DMD: variants seen among roughly 807,000 people sequenced by gnomAD.
DMD encodes mutant dystrophin.
Under a neutral mutation model 330.1 loss-of-function variants are expected in DMD, and 63 were observed. That is an observed-to-expected ratio of 0.19 (90% CI 0.16 to 0.24). The LOEUF is 0.24. Ranked by LOEUF, DMD falls within the 10% of genes least tolerant of loss-of-function variation. The pLI is 1.00. For synonymous variants in DMD, 1,223 were observed against 959.8 expected (o/e 1.27, Z -5.07); for missense variants, 3,344 against 2,684.1 (o/e 1.25, Z -5.43).
intron 2 of DMD, among the ~76,000 whole-genome samples, chrX:32,962,284 C>T (rs1229271713): frequency 8.9e-6 from 1 of 111,762 alleles, no homozygotes; most frequent in African/African-American, 3.2e-5. Context: ...TAAGGTTATG[C>T]TTTTGAGTTC....
chrX:33,130,925 T>G (rs1264506057), intron 1 of DMD, among the ~76,000 whole-genome samples: 3 of 111,793 alleles, frequency 2.7e-5, no homozygotes, highest in Non-Finnish European at 5.6e-5. Flanking sequence ...TTCAAGAATC[T>G]TCTCAGCAAA....
chrX:32,608,413 C>A (rs889662996), intron 12 of DMD, among the ~76,000 whole-genome samples: 2 of 110,083 alleles, frequency 1.8e-5, no homozygotes, highest in South Asian at 7.5e-4. Flanking sequence ...AATAATACTA[C>A]CACTCAAACC....
chrX:32,699,078 A>T, intron 8 of DMD, 34 bp downstream of exon 8: 3 of 1,169,265 alleles, frequency 2.6e-6, no homozygotes, highest in Non-Finnish European at 3.5e-6. Flanking sequence ...AACAGAAAAC[A>T]TCTTGAATAG....
intron 44 of DMD, among the ~76,000 whole-genome samples, chrX:32,039,595 A>G (rs750660556): frequency 2.7e-5 from 3 of 111,717 alleles, no homozygotes; most frequent in Non-Finnish European, 5.6e-5. Context: ...GTAAAAAGGT[A>G]ATGCCATAAA....
chrX:31,972,477 A>G (rs2095406926), intron 44 of DMD, among the ~76,000 whole-genome samples: 1 of 112,018 alleles, frequency 8.9e-6, no homozygotes, highest in Admixed American at 9.5e-5. Flanking sequence ...AATGTGACAA[A>G]TGAAGAAAAG....
At chrX:31,358,390 CTTCT>C (rs1472724055) in intron 60 of DMD, among the ~76,000 whole-genome samples, 6 of 111,566 alleles carry the variant, frequency 5.4e-5, no homozygotes, top group Admixed American at 9.6e-5. Context: ...ACTTTATAAG[CTTCT>C]TTCTTTCACG....
At chrX:33,084,887 A>G (rs2094982398) in intron 1 of DMD, among the ~76,000 whole-genome samples, 1 of 110,654 alleles carries the variant, frequency 9.0e-6, no homozygotes, top group South Asian at 3.8e-4. Flanking sequence ...GATCTCTTTC[A>G]CTGTCTCAGT....
intron 2 of DMD, among the ~76,000 whole-genome samples, chrX:32,901,845 A>G (rs1310382116): frequency 2.7e-5 from 3 of 110,394 alleles, no homozygotes; most frequent in Non-Finnish European, 5.7e-5. Context: ...TATTTGTAAT[A>G]TCCTTTCATC....
chrX:31,659,842 A>G (rs1203893419), intron 53 of DMD, among the ~76,000 whole-genome samples: 1 of 110,742 alleles, frequency 9.0e-6, no homozygotes, highest in Non-Finnish European at 1.9e-5. Flanking sequence ...AAGAATACAT[A>G]ATCATGAGCT....
rs1009430160 is a variant in DMD, at chrX:32,455,715, T to G, written c.3433-883A>C. ...AAAGGTGCTTTCATGAGAGATTAAA[T>G]TATGACATATATATACTATGGGATA... On this transcript the variant is annotated intron_variant, in intron 25 of 78. Transcript: ENST00000357033. Among the ~76,000 whole-genome samples the G allele has an allele frequency of 8.1e-5, 9 of 111,240 alleles. No individual in the cohort carries two copies. In the Admixed American group the frequency reaches 8.6e-4, roughly 11 times the overall value.
At chrX:32,254,977 C>T (rs747171503) in intron 43 of DMD, among the ~76,000 whole-genome samples, 35 of 111,799 alleles carry the variant, frequency 3.1e-4, no homozygotes, top group Non-Finnish European at 5.3e-4. Flanking sequence ...AACTCTATAC[C>T]AATGACACAA....
At chrX:32,577,447 T>G (rs1015928466) in intron 13 of DMD, among the ~76,000 whole-genome samples, 1 of 112,656 alleles carries the variant, frequency 8.9e-6, no homozygotes, top group African/African-American at 3.2e-5. Flanking sequence ...GCTAAATGTC[T>G]GTCGAATAAT....
At position 31,419,144 on chromosome X, in the gene DMD, G is replaced by A. The variant is rs188394545; in HGVS notation, c.9084+25337C>T. 6.9e-3 allele frequency among the ~76,000 whole-genome samples: 729 copies of A among 106,249 alleles called. 9 individuals carry two copies. The highest frequency in any genetic ancestry group is 0.024 in the African/African-American group (682 of 29,010). 92.3% of individuals were successfully genotyped at this position (106,249 alleles called of 115,157 possible). ...TTTTTAGCAGAGACACGGTTTCACC[G>A]TGGTGGCCAGGCTGGTCTCAGACTC... On this transcript the variant is annotated intron_variant, in intron 60 of 78. Coordinates refer to ENST00000357033, the MANE Select transcript of DMD (RefSeq NM_004006.3).
At chrX:31,154,119 A>T (rs2037790434) in intron 74 of DMD, among the ~76,000 whole-genome samples, 1 of 111,188 alleles carries the variant, frequency 9.0e-6, no homozygotes, top group Admixed American at 9.6e-5. Flanking sequence ...AGCCCTTATC[A>T]ATTACGCATT....
At chrX:31,483,577 A>G (rs16998200) in intron 57 of DMD, among the ~76,000 whole-genome samples, 5,409 of 112,078 alleles carry the variant, frequency 0.048, 115 homozygotes, top group Middle Eastern at 0.1. Flanking sequence ...GTCATTGAAG[A>G]TTAAAATGAG....
At position 31,627,904 on chromosome X, in the gene DMD, G is replaced by C. The variant is rs72466578; in HGVS notation, c.8028-42C>G. On this transcript the variant is annotated intron_variant, in intron 54 of 78. Transcript: ENST00000357033. ...GTTCAGATGCAATTATTAAATATCA[G>C]AATGGTGCACCTAGTGAACTCCATA... 3.0e-4 allele frequency: 345 copies of C among 1,134,679 alleles called. 1 individual carries two copies. The highest frequency in any genetic ancestry group is 4.0e-4 in the Non-Finnish European group (333 of 835,816). The allele number at this position is 1,134,679 out of a possible 1,213,427, so 93.5% of individuals were successfully genotyped here.
intron 13 of DMD, among the ~76,000 whole-genome samples, chrX:32,585,316 A>G (rs2054110258): frequency 8.9e-6 from 1 of 112,371 alleles, no homozygotes; most frequent in African/African-American, 3.2e-5. Context: ...ACAAAATATC[A>G]CATGTACTCT....
chrX:32,798,154 C>A (rs907731241), intron 7 of DMD, among the ~76,000 whole-genome samples: 6 of 111,800 alleles, frequency 5.4e-5, no homozygotes, highest in Non-Finnish European at 9.4e-5. Context: ...TCAAGCCAGG[C>A]TCCCGCACAC....
At chrX:33,187,120 C>T (rs1198433620) in intron 1 of DMD, among the ~76,000 whole-genome samples, 6 of 111,837 alleles carry the variant, frequency 5.4e-5, no homozygotes, top group Non-Finnish European at 1.1e-4. Flanking sequence ...ATATTCAATA[C>T]CCATATACAC....
Sources: allele counts gnomAD v4.1 joint callset (sites outside exome capture counted in the v4.1 genomes callset), GRCh38; gene constraint gnomAD v4.1.1; transcripts MANE v1.5; gene names NCBI Gene and HGNC (gene_info 2026-07-23, HGNC 2026-07-21).